SMPDL3A: variants seen among roughly 807,000 people sequenced by gnomAD.
SMPDL3A encodes the protein sphingomyelin phosphodiesterase acid like 3A.
In SMPDL3A, 39 loss-of-function variants were observed where a neutral mutation model predicts 38.5. The observed-to-expected ratio is 1.01, with a 90% CI of 0.78 to 1.32. The LOEUF (loss-of-function observed/expected upper bound fraction) is 1.32, where lower values mean the gene tolerates loss of function less well. Among genes scored for constraint, SMPDL3A ranks in the 40% most tolerant of loss-of-function variants. The pLI is 0.00. For missense variants in SMPDL3A, 502 were observed against 536.2 expected (o/e 0.94, Z 0.63); for synonymous variants, 180 against 194.3 (o/e 0.93, Z 0.61).
intron 3 of SMPDL3A, among the ~76,000 whole-genome samples, chr6:122,798,140 C>A (rs920295349): frequency 1.3e-5 from 2 of 152,126 alleles, no homozygotes; most frequent in Non-Finnish European, 2.9e-5. Context: ...GTTAATCGAA[C>A]CTGAATACAG....
In SMPDL3A at chr6:122,796,935, C is replaced by A. The variant is rs777291965; in HGVS notation, c.438C>A (p.Phe146Leu). The A allele has an allele frequency of 3.1e-6, 5 of 1,613,674 alleles. No homozygotes were observed. The East Asian group carries it at 1.1e-4, about 36-fold the overall frequency. Residue 146 changes from phenylalanine (F) to leucine (L), a missense_variant, in exon 3 of 8, where the codon TTC becomes TTA. Phe to Leu is a conservative substitution (Grantham distance 22). Transcript: ENST00000368440. ...GTCTCTTTCCAAATCTCCAGGTTTT[C>A]CCTGCGCTGGGTAATCATGACTATT... ...IQSLFPNLQV[F>L]PALGNHDYWP... is the part of the protein sequence containing the mutation.
In SMPDL3A at chr6:122,809,393, A is replaced by G. The variant is rs763933747; in HGVS notation, c.1347A>G (p.Ile449Met). Residue 449 changes from isoleucine to methionine, a missense_variant, in exon 8 of 8, where the codon ATA (isoleucine) becomes ATG (methionine). Coordinates refer to ENST00000368440, the MANE Select transcript of SMPDL3A (RefSeq NM_006714.5). ...CAGATTGCCTCAAACAGCTTTATATAAAGCACAATTACTAGTATTTCACAG... is the reference window on the plus strand; with the variant it reads ...CAGATTGCCTCAAACAGCTTTATATGAAGCACAATTACTAGTATTTCACAG... ...SYADCLKQLY[I>M]KHNY 2.5e-6 allele frequency: 4 copies of G among 1,606,020 alleles called. No homozygotes were observed. Among genetic ancestry groups the G allele is most frequent in the African/African-American group, 2.7e-5 (2 of 74,692 alleles).
chr6:122,805,078 C>G lies in SMPDL3A; in HGVS notation c.908C>G (p.Ser303Ter), dbSNP rs762070113. The change falls in exon 6 of 8, where the codon TCA (serine) becomes TGA (stop). Residue 303 changes from serine (S) to a stop codon, truncating the protein, a stop_gained. Transcript: ENST00000368440. LOFTEE classifies it high-confidence loss of function. ...HTHRDSIMVL[S>*]DKKGSPVNSL... ...CACAGAGACAGCATTATGGTTCTTT[C>G]AGATAAAAAAGGTAATGTAATGCTG... 6.3e-7 allele frequency: 1 copy of G among 1,599,992 alleles called. No homozygotes were observed. The highest frequency in any genetic ancestry group is 1.7e-5 in the Admixed American group (1 of 57,206).
chr6:122,795,915 A>G, intron 2 of SMPDL3A, 25 bp downstream of exon 2: 4 of 1,481,336 alleles, frequency 2.7e-6, no homozygotes, highest in Non-Finnish European at 3.8e-6. Flanking sequence ...AAGTACCATT[A>G]ATTACTCAAT....
At chr6:122,807,353 G>T (rs1781660843) in intron 7 of SMPDL3A, among the ~76,000 whole-genome samples, 1 of 152,178 alleles carries the variant, frequency 6.6e-6, no homozygotes, top group African/African-American at 2.4e-5. Flanking sequence ...AAAAAAGTTA[G>T]CTCGGCGTGG....
In SMPDL3A at chr6:122,801,413, G is replaced by T; in HGVS notation, c.568+7G>T. The T allele has an allele frequency of 6.4e-7, 1 of 1,555,792 alleles. No individual in the cohort carries two copies. ...ATTAGTACTTTAAGGAAAGGTAAGTGAAAGACTTAGTTATTCCTATTTTGC... is the reference window on the plus strand; with the variant it reads ...ATTAGTACTTTAAGGAAAGGTAAGTTAAAGACTTAGTTATTCCTATTTTGC... On this transcript the variant is annotated splice_region_variant and intron_variant, in intron 4 of 7. Coordinates refer to ENST00000368440, the MANE Select transcript of SMPDL3A (RefSeq NM_006714.5).
In SMPDL3A at chr6:122,803,795, G is replaced by C. The variant is rs763692584; in HGVS notation, c.700G>C (p.Glu234Gln). The C allele has an allele frequency of 3.7e-5, 60 of 1,613,938 alleles. No homozygotes were observed. The highest frequency in any genetic ancestry group is 4.8e-5 in the Non-Finnish European group (57 of 1,180,026). Residue 234 changes from glutamate (E) to glutamine (Q), a missense_variant, in exon 5 of 8, where the codon GAA (glutamate) becomes CAA (glutamine). By Grantham distance (29) the Glu-to-Gln change is conservative. Coordinates refer to ENST00000368440, the MANE Select transcript of SMPDL3A (RefSeq NM_006714.5). ...CCCAGCCAACCAGTTTGAATGGCTAGAAAGTACATTGAACAACTCTCAGCA... is the reference window on the plus strand; with the variant it reads ...CCCAGCCAACCAGTTTGAATGGCTACAAAGTACATTGAACAACTCTCAGCA... Reference protein sequence around the residue: ...TDPANQFEWLESTLNNSQQNK... With the variant: ...TDPANQFEWLQSTLNNSQQNK...
In SMPDL3A at chr6:122,789,463, G is replaced by A; in HGVS notation, c.112+5G>A. 3.2e-6 allele frequency: 5 copies of A among 1,546,606 alleles called. No individual in the cohort carries two copies. Among genetic ancestry groups the A allele is most frequent in the South Asian group, 2.4e-5 (2 of 83,966 alleles). On this transcript the variant is annotated splice_donor_5th_base_variant and intron_variant, in intron 1 of 7. Coordinates refer to ENST00000368440, the MANE Select transcript of SMPDL3A (RefSeq NM_006714.5). ...GGAATCCTCCTCCGGCGATAGGTGAGTTGTCCGCGACCCTTCTCTTCCCAG... is the reference window on the plus strand; with the variant it reads ...GGAATCCTCCTCCGGCGATAGGTGAATTGTCCGCGACCCTTCTCTTCCCAG...
At chr6:122,801,696 G>A (rs757344909) in intron 4 of SMPDL3A, among the ~76,000 whole-genome samples, 10 of 152,342 alleles carry the variant, frequency 6.6e-5, no homozygotes, top group South Asian at 2.1e-4. Flanking sequence ...AAATAAAAGT[G>A]TATGTTTCTA....
At chr6:122,803,274 A>G (rs1006594899) in intron 4 of SMPDL3A, among the ~76,000 whole-genome samples, 2 of 152,176 alleles carry the variant, frequency 1.3e-5, no homozygotes, top group African/African-American at 4.8e-5. Context: ...ATGTGTTACC[A>G]TTTTTTGGAT....
chr6:122,795,849 T>A lies in SMPDL3A; in HGVS notation c.285T>A (p.Ile95=). 6.2e-7 allele frequency: 1 copy of A among 1,614,054 alleles called. No individual in the cohort carries two copies. The highest frequency in any genetic ancestry group is 8.5e-7 in the Non-Finnish European group (1 of 1,179,916). Residue 95 remains isoleucine (I), a synonymous_variant, in exon 2 of 8, where the codon ATT becomes ATA. Coordinates refer to ENST00000368440, the MANE Select transcript of SMPDL3A (RefSeq NM_006714.5). ...TTATTTTGTCAGCATTTGATTTTAT[T>A]AAAAATTCTGGACAAGAAGCATCTT... ...YQLILSAFDF[I]KNSGQEASFM...
At chr6:122,793,244 T>C (rs1388359934) in intron 1 of SMPDL3A, among the ~76,000 whole-genome samples, 1 of 152,216 alleles carries the variant, frequency 6.6e-6, no homozygotes, top group Non-Finnish European at 1.5e-5. Flanking sequence ...CTTGGTTCCA[T>C]ACACCTTCTA....
Position 122,789,368 on chromosome 6 carries a change from G to T in SMPDL3A, c.22G>T (p.Val8Phe). ...CTCCATGGCGCTGGTGCGCGCACTC[G>T]TCTGCTGCCTGCTGACTGCCTGGCA... MALVRAL[V>F]CCLLTAWHCR... Residue 8 changes from valine to phenylalanine, a missense_variant, in exon 1 of 8, where the codon GTC becomes TTC. Coordinates refer to ENST00000368440, the MANE Select transcript of SMPDL3A (RefSeq NM_006714.5). 1 of 1,547,986 alleles carries T rather than the reference G, an allele frequency of 6.5e-7. No individual in the cohort carries two copies. The highest frequency in any genetic ancestry group is 8.7e-7 in the Non-Finnish European group (1 of 1,146,122).
chr6:122,796,984 T>C lies in SMPDL3A; in HGVS notation c.471+16T>C. On this transcript the variant is annotated intron_variant, in intron 3 of 7. Coordinates refer to ENST00000368440, the MANE Select transcript of SMPDL3A (RefSeq NM_006714.5). ...TTGGCCACAGGTAAATTTGATAGAC[T>C]TTCAGAAATGCTTAAAGAATTTTTC... is the stretch of plus-strand genomic sequence containing the variant. 6.2e-7 allele frequency: 1 copy of C among 1,605,490 alleles called. No individual in the cohort carries two copies. The highest frequency in any genetic ancestry group is 8.5e-7 in the Non-Finnish European group (1 of 1,176,492).
chr6:122,792,083 G>A (rs755548942), intron 1 of SMPDL3A, among the ~76,000 whole-genome samples: 94 of 152,226 alleles, frequency 6.2e-4, no homozygotes, highest in Non-Finnish European at 1.2e-3. Flanking sequence ...ATGGATTGGA[G>A]TGTGGGCTCT....
chr6:122,795,943 T>G, intron 2 of SMPDL3A, 53 bp downstream of exon 2: 1 of 1,288,340 alleles, frequency 7.8e-7, no homozygotes, highest in East Asian at 2.3e-5. Flanking sequence ...TACAGTGTCC[T>G]AAGCTTCATA....
intron 5 of SMPDL3A, 151 bp downstream of exon 5, chr6:122,803,984 CTTTTT>C: frequency 2.0e-6 from 1 of 501,140 alleles, no homozygotes; most frequent in Non-Finnish European, 3.4e-6. Context: ...GATTTTCTTT[CTTTTT>C]TTTTTTTTTA....
Position 122,809,639 on chromosome 6 carries a change from A to T in SMPDL3A, c.*231A>T. 2.8e-6 allele frequency: 1 copy of T among 357,954 alleles called. No homozygotes were observed. The highest frequency in any genetic ancestry group is 5.0e-6 in the Non-Finnish European group (1 of 199,642). 22.2% of individuals were successfully genotyped at this position (357,954 alleles called of 1,614,324 possible). On this transcript the variant is annotated 3_prime_UTR_variant, in exon 8 of 8. Transcript: ENST00000368440. ...TGATGGATGTAAATTGGATGTAAAT[A>T]TTCAGTTTATATAATTATATCTAAT...
chr6:122,790,394 T>C (rs1110152), intron 1 of SMPDL3A, among the ~76,000 whole-genome samples: 39,338 of 152,064 alleles, frequency 0.26, 8,776 homozygotes, highest in African/African-American at 0.6. Context: ...CAAGGTGCCC[T>C]CACCTCCTCA....
Sources: allele counts gnomAD v4.1 joint callset (sites outside exome capture counted in the v4.1 genomes callset), GRCh38; gene constraint gnomAD v4.1.1; transcripts MANE v1.5; gene names NCBI Gene and HGNC (gene_info 2026-07-23, HGNC 2026-07-21).